Variants in RASGRF1 observed in about 807,000 individuals in gnomAD.
RASGRF1 encodes Ras protein specific guanine nucleotide releasing factor 1.
Under a neutral mutation model 138.7 loss-of-function variants are expected in RASGRF1, and 40 were observed. The ratio of observed to expected loss-of-function variants is 0.29; its 90% confidence interval spans 0.22 to 0.38. The LOEUF (loss-of-function observed/expected upper bound fraction) is 0.38, where lower values mean the gene tolerates loss of function less well. Among genes scored for constraint, RASGRF1 ranks in the 10% least tolerant of loss-of-function variants. The pLI is 1.00. For synonymous variants in RASGRF1, 614 were observed against 663.2 expected (o/e 0.93, Z 1.14); for missense variants, 1,108 against 1,650.4 (o/e 0.67, Z 5.69).
chr15:79,031,714 G>A (rs1220529079), intron 7 of RASGRF1, among the ~76,000 whole-genome samples: 1 of 150,336 alleles, frequency 6.7e-6, no homozygotes, highest in Non-Finnish European at 1.5e-5. Flanking sequence ...GAGAGAGCGC[G>A]TGAGCATGGG....
chr15:78,991,729 G>T lies in RASGRF1; in HGVS notation c.3093C>A (p.Thr1031=). The T allele has an allele frequency of 1.2e-6, 2 of 1,614,160 alleles. No homozygotes were observed. Among genetic ancestry groups the T allele is most frequent in the Non-Finnish European group, 1.7e-6 (2 of 1,180,012 alleles). The change falls in exon 21 of 27, where the codon ACC becomes ACA. Residue 1031 remains threonine (T), a synonymous_variant. Transcript: ENST00000558480. ...TCTTGAAGACGAGGTGATCTAGCAG[G>T]GTCAGCTGCTCCGCGATCTCCAGGG... The part of the protein sequence containing the change: ...HSALEIAEQL[T]LLDHLVFKKI...
Position 78,959,950 on chromosome 15 carries a change from A to C in RASGRF1, c.*2194T>G, listed in dbSNP as rs1404608448. On this transcript the variant is annotated 3_prime_UTR_variant, in exon 27 of 27. Coordinates refer to ENST00000558480, the MANE Select transcript of RASGRF1 (RefSeq NM_001145648.3). ...TGTTTAATAGTACTTAATACCATTA[A>C]TTATAATAATTCATTTAATTCTACT... 4 of 150,452 alleles carry C rather than the reference A, an allele frequency of 2.7e-5. No individual in the cohort carries two copies. In the East Asian group the frequency reaches 7.7e-4, roughly 29 times the overall value. The allele number at this position is 150,452 out of a possible 1,614,324, so 9.3% of individuals were successfully genotyped here.
chr15:79,072,930 C>G (rs16970537), intron 1 of RASGRF1, among the ~76,000 whole-genome samples: 3,636 of 152,254 alleles, frequency 0.024, 126 homozygotes, highest in African/African-American at 0.083. Context: ...CTCAGTGTGA[C>G]CACAGGATAG....
chr15:79,072,265 A>ATAT (rs1567614777), intron 1 of RASGRF1, among the ~76,000 whole-genome samples: 1 of 46,660 alleles, frequency 2.1e-5, no homozygotes, highest in South Asian at 9.0e-4. Context: ...TTGATAAACA[A>ATAT]TCTTTTTTTT....
At chr15:78,964,291 C>G (rs1381029903) in intron 26 of RASGRF1, among the ~76,000 whole-genome samples, 1 of 152,072 alleles carries the variant, frequency 6.6e-6, no homozygotes, top group Non-Finnish European at 1.5e-5. Flanking sequence ...TCTTCTGCCT[C>G]AGCATCCCGA....
chr15:78,997,931 G>A, intron 19 of RASGRF1, 165 bp downstream of exon 19: 1 of 618,628 alleles, frequency 1.6e-6, no homozygotes, highest in Non-Finnish European at 2.9e-6. Context: ...CCAGCCCTGA[G>A]CCTGCCCCCA....
chr15:78,962,719 C>CA (rs1236903491), intron 26 of RASGRF1, among the ~76,000 whole-genome samples: 1 of 151,734 alleles, frequency 6.6e-6, no homozygotes, highest in Non-Finnish European at 1.5e-5. Context: ...CCTGTTTCTA[C>CA]AAAAAATCAA....
chr15:78,977,730 T>C (rs1299580636), intron 24 of RASGRF1, among the ~76,000 whole-genome samples: 2 of 152,202 alleles, frequency 1.3e-5, no homozygotes, highest in Admixed American at 1.3e-4. Flanking sequence ...CAGCCTACAA[T>C]AACAGCCTGT....
chr15:79,086,145 A>G (rs776186547), intron 1 of RASGRF1, among the ~76,000 whole-genome samples: 5 of 152,190 alleles, frequency 3.3e-5, no homozygotes, highest in Non-Finnish European at 5.9e-5. Flanking sequence ...CTGGTTTCCT[A>G]TAGGTGCAAG....
intron 26 of RASGRF1, among the ~76,000 whole-genome samples, chr15:78,962,938 C>T (rs992469126): frequency 2.0e-5 from 3 of 152,036 alleles, no homozygotes; most frequent in Non-Finnish European, 4.4e-5. Flanking sequence ...TGTATTAAAA[C>T]GCTAGGATTA....
chr15:78,965,408 C>T (rs894417256), intron 26 of RASGRF1, among the ~76,000 whole-genome samples: 6 of 152,174 alleles, frequency 3.9e-5, no homozygotes, highest in Non-Finnish European at 5.9e-5. Flanking sequence ...TCAAAATCCC[C>T]TCACTCATTC....
At chr15:79,080,833 A>G (rs2057905006) in intron 1 of RASGRF1, among the ~76,000 whole-genome samples, 1 of 152,248 alleles carries the variant, frequency 6.6e-6, no homozygotes, top group Non-Finnish European at 1.5e-5. Context: ...CACTAGACCT[A>G]GAACCTGGAG....
At chr15:79,054,081 A>T (rs1412571324) in intron 3 of RASGRF1, among the ~76,000 whole-genome samples, 1 of 152,266 alleles carries the variant, frequency 6.6e-6, no homozygotes, top group African/African-American at 2.4e-5. Context: ...AATTCTTGAA[A>T]ATCTAACAGT....
chr15:78,972,749 G>A (rs906619824), intron 25 of RASGRF1, among the ~76,000 whole-genome samples: 7 of 152,242 alleles, frequency 4.6e-5, no homozygotes, highest in African/African-American at 1.4e-4. Flanking sequence ...AGAAGGAGAC[G>A]GTTAGAATCC....
At chr15:79,036,420 C>G (rs544414640) in intron 5 of RASGRF1, among the ~76,000 whole-genome samples, 1 of 152,328 alleles carries the variant, frequency 6.6e-6, no homozygotes, top group East Asian at 1.9e-4. Flanking sequence ...GCTCTGGGCT[C>G]CCTCCCGCCT....
At chr15:79,012,089 A>G (rs1032357331) in intron 13 of RASGRF1, among the ~76,000 whole-genome samples, 1 of 152,152 alleles carries the variant, frequency 6.6e-6, no homozygotes, top group Admixed American at 6.5e-5. Flanking sequence ...AATCTGTTCC[A>G]AAGCCTCTAG....
chr15:79,029,268 G>A (rs1274935195), intron 8 of RASGRF1, among the ~76,000 whole-genome samples: 1 of 152,070 alleles, frequency 6.6e-6, no homozygotes, highest in East Asian at 1.9e-4. Context: ...ATGTTTGAGA[G>A]GGAGGCACCT....
At chr15:79,033,022 G>C (rs1425933556) in intron 6 of RASGRF1, among the ~76,000 whole-genome samples, 2 of 152,162 alleles carry the variant, frequency 1.3e-5, no homozygotes, top group Non-Finnish European at 2.9e-5. Flanking sequence ...TGACACATGA[G>C]TCTCTGCTCC....
intron 8 of RASGRF1, among the ~76,000 whole-genome samples, chr15:79,028,847 CA>C (rs1356948936): frequency 2.6e-5 from 4 of 152,188 alleles, no homozygotes; most frequent in African/African-American, 9.6e-5. Context: ...ATTTAAACCC[CA>C]AAACAAAGAT....
Sources: allele counts gnomAD v4.1 joint callset (sites outside exome capture counted in the v4.1 genomes callset), GRCh38; gene constraint gnomAD v4.1.1; transcripts MANE v1.5; gene names NCBI Gene and HGNC (gene_info 2026-07-23, HGNC 2026-07-21).